The following PDE10A variants were observed in gnomAD, a reference collection of about 807,000 sequenced individuals.
The protein encoded by PDE10A is cAMP and cAMP-inhibited cGMP 3',5'-cyclic phosphodiesterase 10A.
Under a neutral mutation model 97.7 loss-of-function variants are expected in PDE10A, and 39 were observed. The observed-to-expected ratio is 0.40, with a 90% CI of 0.31 to 0.52. PDE10A has a LOEUF of 0.52. Among genes scored for constraint, PDE10A ranks in the 20% least tolerant of loss-of-function variants. The pLI is 0.56. For missense variants in PDE10A, 731 were observed against 1,047.8 expected, an observed-to-expected ratio of 0.70 and a Z score of 4.17; for synonymous variants, 371 against 376.8, an observed-to-expected ratio of 0.98 and a Z score of 0.18.
At chr6:165,921,982 G>T (rs561081192) in intron 1 of PDE10A, among the ~76,000 whole-genome samples, 17 of 152,286 alleles carry the variant, frequency 1.1e-4, no homozygotes, top group Admixed American at 9.2e-4. Flanking sequence ...CAAGCCGGGT[G>T]CATGAGGTCA....
chr6:165,904,468 C>T (rs531812762), intron 1 of PDE10A, among the ~76,000 whole-genome samples: 2 of 152,196 alleles, frequency 1.3e-5, no homozygotes, highest in Admixed American at 6.5e-5. Context: ...AAATTAATAC[C>T]TAATTTCTTA....
At chr6:165,945,809 G>A (rs1039474927) in intron 1 of PDE10A, among the ~76,000 whole-genome samples, 1 of 152,164 alleles carries the variant, frequency 6.6e-6, no homozygotes, top group Non-Finnish European at 1.5e-5. Context: ...AAGTCATCTA[G>A]TTCTCTATAT....
chr6:165,581,607 C>T (rs1323701712), intron 1 of PDE10A, among the ~76,000 whole-genome samples: 2 of 152,202 alleles, frequency 1.3e-5, no homozygotes, highest in African/African-American at 4.8e-5. Flanking sequence ...CTTGTTGGAG[C>T]AGCCCAAATT....
At chr6:165,539,915 C>T (rs1399473566) in intron 2 of PDE10A, among the ~76,000 whole-genome samples, 1 of 141,592 alleles carries the variant, frequency 7.1e-6, no homozygotes, top group Non-Finnish European at 1.5e-5. Context: ...AACAGAGCAA[C>T]ACTTTGCTCA....
intron 1 of PDE10A, among the ~76,000 whole-genome samples, chr6:165,730,162 CA>C (rs5881655): frequency 0.46 from 66,649 of 145,420 alleles, 18,703 homozygotes; most frequent in African/African-American, 0.8. Flanking sequence ...GATCCCCCTT[CA>C]AAAAAAAAAA....
At chr6:165,978,503 T>C (rs776362) in intron 1 of PDE10A, among the ~76,000 whole-genome samples, 146,156 of 152,316 alleles carry the variant, frequency 0.96, 70,183 homozygotes, top group East Asian at 1. Flanking sequence ...TGGGATGCAT[T>C]GAGAATGGCA....
At chr6:165,631,934 C>T (rs1426394378) in intron 1 of PDE10A, among the ~76,000 whole-genome samples, 1 of 152,160 alleles carries the variant, frequency 6.6e-6, no homozygotes, top group African/African-American at 2.4e-5. Context: ...GGCATGGTGG[C>T]TCATGCCTGT....
chr6:165,899,740 G>A (rs147559037), intron 1 of PDE10A, among the ~76,000 whole-genome samples: 472 of 152,318 alleles, frequency 3.1e-3, no homozygotes, highest in African/African-American at 0.011. Context: ...CAGGTGCTGC[G>A]TCCTGTGGTT....
At chr6:165,363,163 A>T (rs1783535386) in intron 18 of PDE10A, among the ~76,000 whole-genome samples, 1 of 152,200 alleles carries the variant, frequency 6.6e-6, no homozygotes, top group Non-Finnish European at 1.5e-5. Flanking sequence ...CAGAAACAAG[A>T]AAAGGATGTC....
chr6:165,708,350 G>A (rs1478657411), intron 1 of PDE10A, among the ~76,000 whole-genome samples: 1 of 152,048 alleles, frequency 6.6e-6, no homozygotes, highest in Non-Finnish European at 1.5e-5. Flanking sequence ...CCTGTTTGCT[G>A]AGGCTGCCCT....
At chr6:165,483,313 G>A (rs1270315627) in intron 2 of PDE10A, among the ~76,000 whole-genome samples, 1 of 152,160 alleles carries the variant, frequency 6.6e-6, no homozygotes, top group African/African-American at 2.4e-5. Flanking sequence ...AGGACAGCAG[G>A]TATTCAAATC....
At chr6:165,688,549 G>T (rs1316253795) in intron 1 of PDE10A, among the ~76,000 whole-genome samples, 3 of 152,298 alleles carry the variant, frequency 2.0e-5, no homozygotes, top group African/African-American at 7.2e-5. Flanking sequence ...ATGACATGGT[G>T]CTCAGGGATC....
chr6:165,686,794 C>T (rs544157106), intron 1 of PDE10A, among the ~76,000 whole-genome samples: 6 of 152,316 alleles, frequency 3.9e-5, no homozygotes, highest in South Asian at 4.1e-4. Context: ...TCGGTCCTTA[C>T]GGGCATGAGC....
chr6:165,502,504 C>T lies in PDE10A; in HGVS notation c.995-20161G>A, dbSNP rs114686918. On this transcript the variant is annotated intron_variant, in intron 2 of 21. Coordinates refer to ENST00000539869, the MANE Select transcript of PDE10A (RefSeq NM_001385079.1). ...TGCAGAAATGAAAAACTCATTAAAA[C>T]GTTTAACATTTTTAGTCATTAGGAA... Among the ~76,000 whole-genome samples the T allele has an allele frequency of 3.9e-3, 586 of 152,196 alleles. 2 individuals are homozygous for T. The highest frequency in any genetic ancestry group is 0.014 in the African/African-American group (562 of 41,524).
chr6:165,536,221 C>G (rs1248059284), intron 2 of PDE10A, among the ~76,000 whole-genome samples: 5 of 151,868 alleles, frequency 3.3e-5, no homozygotes, highest in Non-Finnish European at 5.9e-5. Context: ...GAGGAAAGGA[C>G]AGTCAAGTCT....
At chr6:165,952,246 G>A (rs1238272421) in intron 1 of PDE10A, among the ~76,000 whole-genome samples, 2 of 152,196 alleles carry the variant, frequency 1.3e-5, no homozygotes, top group Non-Finnish European at 2.9e-5. Flanking sequence ...CCAGGGATTT[G>A]ATTCCTTCAC....
chr6:165,540,009 C>T (rs148619229), intron 2 of PDE10A, among the ~76,000 whole-genome samples: 197 of 152,290 alleles, frequency 1.3e-3, no homozygotes, highest in African/African-American at 4.5e-3. Flanking sequence ...ATAAAAATAG[C>T]TCTGTGTCCC....
intron 1 of PDE10A, among the ~76,000 whole-genome samples, chr6:165,749,472 CCAT>C (rs1562717603): frequency 6.9e-6 from 1 of 145,098 alleles, no homozygotes; most frequent in Non-Finnish European, 1.5e-5. Context: ...ATCAACAACA[CCAT>C]CAACACCATC....
chr6:165,609,677 G>A (rs889896684), intron 1 of PDE10A, among the ~76,000 whole-genome samples: 20 of 152,190 alleles, frequency 1.3e-4, no homozygotes, highest in Middle Eastern at 3.4e-3. Context: ...ATACAAAATC[G>A]ATGTGCAAAA....
Sources: gnomAD v4.1 joint callset for allele counts (sites outside exome capture counted in the v4.1 genomes callset) on GRCh38, gnomAD v4.1.1 for gene constraint, MANE v1.5 for transcripts, NCBI Gene and HGNC (gene_info 2026-07-23, HGNC 2026-07-21) for gene names.